Variants in ARFGAP3 observed in about 807,000 individuals in gnomAD.
ARFGAP3 encodes ARF GTPase activating protein 3.
ARFGAP3 carries 72 observed loss-of-function variants against 75.0 expected under a neutral mutation model. The observed-to-expected ratio is 0.96, with a 90% confidence interval of 0.79 to 1.17. The LOEUF (loss-of-function observed/expected upper bound fraction) is 1.17, where lower values mean the gene tolerates loss of function less well. Among genes scored for constraint, ARFGAP3 ranks in the 50% most tolerant of loss-of-function variants. The pLI, the probability that ARFGAP3 is intolerant of heterozygous loss-of-function variation, is 0.00. For missense variants in ARFGAP3, 620 were observed against 626.6 expected, an observed-to-expected ratio of 0.99 and a Z score of 0.11; for synonymous variants, 221 against 217.9, an observed-to-expected ratio of 1.01 and a Z score of -0.13.
intron 14 of ARFGAP3, among the ~76,000 whole-genome samples, chr22:42,802,414 T>C (rs1924907965): frequency 2.0e-5 from 3 of 148,842 alleles, no homozygotes; most frequent in South Asian, 4.3e-4. Flanking sequence ...GCCTCTGGAG[T>C]AGCTGGGACT....
intron 15 of ARFGAP3, 116 bp downstream of exon 15, chr22:42,798,921 CAT>C: frequency 1.2e-6 from 1 of 834,562 alleles, no homozygotes. Flanking sequence ...GTGTAGCAAA[CAT>C]ATCGATCCAA....
At chr22:42,834,959 C>G (rs1926454097) in intron 4 of ARFGAP3, among the ~76,000 whole-genome samples, 1 of 152,168 alleles carries the variant, frequency 6.6e-6, no homozygotes, top group African/African-American at 2.4e-5. Context: ...TGATGTGCCT[C>G]ATGGAGAAAA....
chr22:42,831,705 A>G, intron 5 of ARFGAP3, 69 bp from the exon 6 acceptor site: 1 of 1,604,514 alleles, frequency 6.2e-7, no homozygotes, highest in Non-Finnish European at 8.5e-7. Flanking sequence ...ACATCAAAGC[A>G]CGGGAAAAAC....
chr22:42,848,429 C>T (rs956950992), intron 1 of ARFGAP3, among the ~76,000 whole-genome samples: 4 of 152,026 alleles, frequency 2.6e-5, no homozygotes, highest in African/African-American at 7.2e-5. Context: ...AGGATAGTCT[C>T]GATCTCCTGA....
intron 12 of ARFGAP3, 147 bp from the exon 13 acceptor site, chr22:42,809,037 A>G: frequency 1.4e-6 from 1 of 726,644 alleles, no homozygotes; most frequent in South Asian, 4.5e-5. Context: ...AATTCTAATT[A>G]AAAAAAAAAG....
chr22:42,835,085 T>G (rs1311897169), intron 4 of ARFGAP3, among the ~76,000 whole-genome samples: 2 of 152,202 alleles, frequency 1.3e-5, no homozygotes, highest in African/African-American at 4.8e-5. Context: ...AAACACATGT[T>G]AAATAAGGTT....
At chr22:42,834,162 A>G (rs1476985924) in intron 5 of ARFGAP3, 80 bp downstream of exon 5, 4 of 1,322,926 alleles carry the variant, frequency 3.0e-6, no homozygotes, top group African/African-American at 1.5e-5. Context: ...CTTAGCCTAC[A>G]TCCTAACATT....
At chr22:42,805,495 G>T (rs1316606553) in intron 14 of ARFGAP3, among the ~76,000 whole-genome samples, 2 of 152,188 alleles carry the variant, frequency 1.3e-5, no homozygotes, top group Non-Finnish European at 2.9e-5. Flanking sequence ...GGTCTCCAAA[G>T]GTGGCCGGAG....
intron 2 of ARFGAP3, among the ~76,000 whole-genome samples, chr22:42,845,635 G>A (rs982082134): frequency 1.3e-4 from 20 of 151,662 alleles, no homozygotes; most frequent in African/African-American, 4.1e-4. Context: ...CTAGGTATCC[G>A]CATACAAAAG....
chr22:42,844,658 C>G (rs1010799106), intron 2 of ARFGAP3, among the ~76,000 whole-genome samples: 2 of 151,902 alleles, frequency 1.3e-5, no homozygotes, highest in East Asian at 1.9e-4. Context: ...ACCTTGGCCT[C>G]CCAAAGTGCT....
intron 3 of ARFGAP3, among the ~76,000 whole-genome samples, chr22:42,837,403 T>G (rs1244190566): frequency 6.6e-6 from 1 of 152,136 alleles, no homozygotes; most frequent in Non-Finnish European, 1.5e-5. Context: ...GGCAGATCAC[T>G]TGAGCCTAGG....
At chr22:42,855,502 A>G (rs537672898) in intron 1 of ARFGAP3, among the ~76,000 whole-genome samples, 17 of 152,174 alleles carry the variant, frequency 1.1e-4, no homozygotes, top group Non-Finnish European at 1.6e-4. Flanking sequence ...AGTGACTGAC[A>G]TGGTGAAACC....
Position 42,817,194 on chromosome 22 carries a change from T to C in ARFGAP3, c.1012A>G (p.Arg338Gly), listed in dbSNP as rs754929461. 1 of 1,613,800 alleles carries C rather than the reference T, an allele frequency of 6.2e-7. No individual in the cohort carries two copies. Among genetic ancestry groups the C allele is most frequent in the Admixed American group, 1.7e-5 (1 of 60,020 alleles). The change falls in exon 11 of 16, where the codon AGA (arginine) becomes GGA (glycine). Residue 338 changes from arginine to glycine, a missense_variant. Coordinates refer to ENST00000263245, the MANE Select transcript of ARFGAP3 (RefSeq NM_014570.5). ...EQESPIMAKP[R>G]KKYNDDSDDS... ...TCACTGTCATCATTATACTTTTTTC[T>C]TGGTTTTGCCATAATGGGTGATTCC... is the stretch of plus-strand genomic sequence containing the variant.
chr22:42,801,756 T>C (rs1924871161), intron 14 of ARFGAP3, among the ~76,000 whole-genome samples: 1 of 152,150 alleles, frequency 6.6e-6, no homozygotes, highest in South Asian at 2.1e-4. Context: ...TGCCAGGCTG[T>C]CAGGCGCCAA....
Position 42,840,949 on chromosome 22 carries a change from T to C in ARFGAP3, c.256A>G (p.Ser86Gly), listed in dbSNP as rs752637786. 6 of 1,614,074 alleles carry C rather than the reference T, an allele frequency of 3.7e-6. No homozygotes were observed. The South Asian group carries it at 4.4e-5, about 12-fold the overall frequency. ...LRCMQVGGNA[S>G]ASSFFHQHGC... ...CGAGTTTGAGATGAACTTACTGCAC[T>C]AGCGTTTCCTCCGACTTGCATGCAT... Residue 86 changes from serine (S) to glycine (G), a missense_variant, in exon 3 of 16, where the codon AGT becomes GGT. Transcript: ENST00000263245.
At chr22:42,800,154 C>T (rs1375550281) in intron 14 of ARFGAP3, among the ~76,000 whole-genome samples, 1 of 152,152 alleles carries the variant, frequency 6.6e-6, no homozygotes, top group Admixed American at 6.5e-5. Context: ...GCTCAGTGAG[C>T]TCAACACAAA....
chr22:42,853,688 G>T, intron 1 of ARFGAP3: 1 of 170,090 alleles, frequency 5.9e-6, no homozygotes, highest in Non-Finnish European at 1.3e-5. Flanking sequence ...ATGCCAACTG[G>T]TAATACAAAG....
intron 1 of ARFGAP3, among the ~76,000 whole-genome samples, chr22:42,855,468 T>C (rs922025837): frequency 6.6e-6 from 1 of 151,850 alleles, no homozygotes; most frequent in Admixed American, 6.6e-5. Flanking sequence ...GGTGGATCAC[T>C]TGAGGCCAGG....
At chr22:42,816,012 G>A (rs1024055475) in intron 11 of ARFGAP3, among the ~76,000 whole-genome samples, 1 of 152,180 alleles carries the variant, frequency 6.6e-6, no homozygotes, top group African/African-American at 2.4e-5. Context: ...TACTCAGGAG[G>A]CTGAGGCATA....
Sources: allele counts gnomAD v4.1 joint callset (sites outside exome capture counted in the v4.1 genomes callset), GRCh38; gene constraint gnomAD v4.1.1; transcripts MANE v1.5; gene names NCBI Gene and HGNC (gene_info 2026-07-23, HGNC 2026-07-21).